Variants in CYB5R2 observed in about 807,000 individuals in gnomAD.
CYB5R2 encodes cytochrome b5 reductase 2.
In CYB5R2, 35 loss-of-function variants were observed where a neutral mutation model predicts 29.8. That is an observed-to-expected ratio of 1.17 (90% confidence interval 0.90 to 1.56). The LOEUF (loss-of-function observed/expected upper bound fraction) is 1.56. Among genes scored for constraint, CYB5R2 ranks in the 40% most tolerant of loss-of-function variants. The pLI is 0.00. For missense variants in CYB5R2, 419 were observed against 346.7 expected (o/e 1.21, Z -1.66); for synonymous variants, 169 against 130.6 (o/e 1.29, Z -2.01).
chr11:7,673,743 TCGAA>T (rs1855908333), upstream of CYB5R2: 1 of 985,350 alleles, frequency 1.0e-6, no homozygotes, highest in South Asian at 4.7e-5. Flanking sequence ...CAACACGTCG[TCGAA>T]CTGGGGTTGG....
intron 8 of CYB5R2, 66 bp downstream of exon 8, chr11:7,666,385 A>T: frequency 1.0e-6 from 1 of 1,002,270 alleles, no homozygotes; most frequent in Non-Finnish European, 1.6e-6. Context: ...AGAGACAGAG[A>T]CCAGTCCTCA....
Position 7,665,466 on chromosome 11 carries a change from G to T in CYB5R2, c.739C>A (p.Leu247Met). Residue 247 changes from leucine (L) to methionine (M), a missense_variant, in exon 9 of 9, where the codon CTG becomes ATG. Leu to Met is a conservative substitution (Grantham distance 15). Transcript: ENST00000299498. ...LPPPAKSTLI[L>M]VCGPPPLIQT... The stretch of plus-strand genomic sequence containing the variant: ...ATTAGTGGTGGCGGGCCACACACCA[G>T]GATGAGCGTGGACTTCGCTGGAGGA... 2 of 1,613,938 alleles carry T rather than the reference G, an allele frequency of 1.2e-6. No homozygotes were observed. The highest frequency in any genetic ancestry group is 1.7e-6 in the Non-Finnish European group (2 of 1,179,940).
chr11:7,669,809 G>C, intron 3 of CYB5R2, 78 bp from the exon 4 acceptor site: 1 of 1,048,018 alleles, frequency 9.5e-7, no homozygotes, highest in Non-Finnish European at 1.5e-6. Flanking sequence ...CTGAGCTTCA[G>C]TGAAGGGAGC....
At chr11:7,668,712 T>G in intron 5 of CYB5R2, 151 bp from the exon 6 acceptor site, 1 of 703,416 alleles carries the variant, frequency 1.4e-6, no homozygotes, top group South Asian at 1.6e-5. Flanking sequence ...CAGGGCAGTC[T>G]CCTCAGCTAG....
chr11:7,668,981 T>G lies in CYB5R2; in HGVS notation c.388+224A>C, dbSNP rs541351502. ...CATTGTGCTGGAGATTTTGATACAA[T>G]GACGAGGAAACACCAAGTCATTCCC... On this transcript the variant is annotated intron_variant, in intron 5 of 8. Transcript: ENST00000299498. 3.1e-5 allele frequency: 21 copies of G among 678,502 alleles called. 1 individual carries two copies. Among genetic ancestry groups the G allele is most frequent in the Middle Eastern group, 4.7e-4 (2 of 4,214 alleles). 42.0% of individuals were successfully genotyped at this position (678,502 alleles called of 1,614,324 possible).
chr11:7,666,740 A>G (rs1373967292), intron 7 of CYB5R2, 190 bp from the exon 8 acceptor site: 4 of 498,200 alleles, frequency 8.0e-6, no homozygotes, highest in Non-Finnish European at 7.2e-6. Context: ...TTGTGGATGA[A>G]GTTCCTCCAT....
chr11:7,666,533 C>T lies in CYB5R2; in HGVS notation c.576G>A (p.Leu192=), dbSNP rs1338564945. 1.9e-6 allele frequency: 3 copies of T among 1,613,122 alleles called. No homozygotes were observed. Among genetic ancestry groups the T allele is most frequent in the Non-Finnish European group, 1.7e-6 (2 of 1,179,206 alleles). ...IFANQTEEDI[L]VRKELEEIAR... ...CAATTTCTTCAAGCTCTTTTCTGACCAAGATATCCTCCTCTGTCTAGAAAA... is the reference window on the plus strand; with the variant it reads ...CAATTTCTTCAAGCTCTTTTCTGACTAAGATATCCTCCTCTGTCTAGAAAA... The change falls in exon 8 of 9, where the codon TTG becomes TTA. Residue 192 remains leucine (L), a synonymous_variant. Transcript: ENST00000299498.
intron 7 of CYB5R2, 151 bp downstream of exon 7, chr11:7,667,577 C>T (rs1335781051): frequency 9.8e-6 from 7 of 711,102 alleles, no homozygotes; most frequent in Non-Finnish European, 1.5e-5. Context: ...TCAGCTTCTC[C>T]AGCTGCCAGC....
At chr11:7,668,955 G>T in intron 5 of CYB5R2, 1 of 644,710 alleles carries the variant, frequency 1.6e-6, no homozygotes, top group Non-Finnish European at 2.8e-6. Flanking sequence ...TATGTATCAG[G>T]CATTGTGCTG....
Position 7,665,542 on chromosome 11 carries a change from C to G in CYB5R2, c.663G>C (p.Trp221Cys), listed in dbSNP as rs201223930. Reference sequence around the variant, plus strand: ...CAGTAACGAAGCCTGAGCTGTACTTCCAGCCTGAAATGAAGGAGATGCAGG... The same window carrying G: ...CAGTAACGAAGCCTGAGCTGTACTTGCAGCCTGAAATGAAGGAGATGCAGG... ...WYTLDRPPIG[W>C]KYSSGFVTAD... is the part of the protein sequence containing the mutation. Residue 221 changes from tryptophan to cysteine, a missense_variant, in exon 9 of 9, where the codon TGG (tryptophan) becomes TGC (cysteine). Trp to Cys is a radical substitution (Grantham distance 215, BLOSUM62 -2). Transcript: ENST00000299498. 1.7e-5 allele frequency: 27 copies of G among 1,601,350 alleles called. No individual in the cohort carries two copies. The Middle Eastern group carries it at 7.0e-4, about 42-fold the overall frequency.
At position 7,668,529 on chromosome 11, in the gene CYB5R2, C is replaced by G. The variant is rs758295140; in HGVS notation, c.421G>C (p.Glu141Gln). 2 of 1,613,932 alleles carry G rather than the reference C, an allele frequency of 1.2e-6. No individual in the cohort carries two copies. The highest frequency in any genetic ancestry group is 2.7e-5 in the African/African-American group (2 of 74,888). Residue 141 changes from glutamate (E) to glutamine (Q), a missense_variant, in exon 6 of 9, where the codon GAG (glutamate) becomes CAG (glutamine). By Grantham distance (29) the Glu-to-Gln change is conservative (BLOSUM62 2). Transcript: ENST00000299498. Reference sequence around the variant, plus strand: ...TGATCGGCCAGTGTTTTTTTAGGCTCACTCGTCTGGTCTGGTCTGATTCCA... The same window carrying G: ...TGATCGGCCAGTGTTTTTTTAGGCTGACTCGTCTGGTCTGGTCTGATTCCA... ...NLGIRPDQTS[E>Q]PKKTLADHLG...
intron 7 of CYB5R2, chr11:7,667,473 G>A: frequency 2.7e-6 from 1 of 364,106 alleles, no homozygotes; most frequent in Admixed American, 4.3e-5. Flanking sequence ...CAAAAATACA[G>A]CAGTACATCT....
Position 7,669,236 on chromosome 11 carries a change from C to T in CYB5R2, c.357G>A (p.Gly119=), listed in dbSNP as rs775136382. Residue 119 remains glycine (G), a synonymous_variant, in exon 5 of 9, where the codon GGG becomes GGA. Coordinates refer to ENST00000299498, the MANE Select transcript of CYB5R2 (RefSeq NM_016229.5). Reference sequence around the variant, plus strand: ...CATGGTAAAACAAGCGTCCCCTTGGCCCTCGAAAAAAGATGGTCTCCCCGA... The same window carrying T: ...CATGGTAAAACAAGCGTCCCCTTGGTCCTCGAAAAAAGATGGTCTCCCCGA... The part of the protein sequence containing the change: ...MKIGETIFFR[G]PRGRLFYHGP... 1 of 1,614,038 alleles carries T rather than the reference C, an allele frequency of 6.2e-7. No homozygotes were observed. Among genetic ancestry groups the T allele is most frequent in the South Asian group, 1.1e-5 (1 of 91,062 alleles).
At chr11:7,669,792 T>A (rs1375254774) in intron 3 of CYB5R2, 61 bp from the exon 4 acceptor site, 7 of 1,201,588 alleles carry the variant, frequency 5.8e-6, no homozygotes, top group African/African-American at 1.5e-5. Flanking sequence ...GGCCCAGGAA[T>A]AAAGGACTGA....
At chr11:7,667,640 T>C in intron 7 of CYB5R2, 88 bp downstream of exon 7, 1 of 1,260,940 alleles carries the variant, frequency 7.9e-7, no homozygotes, top group Non-Finnish European at 1.2e-6. Context: ...CCAAGCAGCA[T>C]GAGCTCAGTC....
intron 3 of CYB5R2, chr11:7,672,094 A>G (rs7950642): frequency 0.053 from 12,286 of 232,082 alleles, 1,220 homozygotes; most frequent in African/African-American, 0.23. Flanking sequence ...AGTGAGGTAG[A>G]CAGGCAGGCC....
intron 3 of CYB5R2, chr11:7,671,894 T>C (rs1052808246): frequency 1.3e-5 from 2 of 153,236 alleles, no homozygotes; most frequent in African/African-American, 4.8e-5. Flanking sequence ...TCCCTCCTTA[T>C]GTGGGTCTGA....
At chr11:7,669,115 G>T in intron 5 of CYB5R2, 90 bp downstream of exon 5, 1 of 1,506,214 alleles carries the variant, frequency 6.6e-7, no homozygotes, top group South Asian at 1.1e-5. Context: ...AACCCCATGT[G>T]ACTCAAATCT....
At chr11:7,673,857 C>T (rs1855921522), upstream of CYB5R2, 1 of 990,404 alleles carries the variant, frequency 1.0e-6, no homozygotes, top group African/African-American at 1.7e-5. Context: ...CACGCACGCC[C>T]GGGAGGACAA....
Sources: gnomAD v4.1 joint callset for allele counts on GRCh38, gnomAD v4.1.1 for gene constraint, MANE v1.5 for transcripts, NCBI Gene and HGNC (gene_info 2026-07-23, HGNC 2026-07-21) for gene names.